Variants in THRB observed in about 807,000 individuals in gnomAD.
THRB encodes the protein thyroid hormone receptor beta.
In THRB, 12 loss-of-function variants were observed where a neutral mutation model predicts 47.8. That is an observed-to-expected ratio of 0.25 (90% CI 0.16 to 0.41). The LOEUF (loss-of-function observed/expected upper bound fraction) is 0.41, where lower values mean the gene tolerates loss of function less well. Ranked by LOEUF, THRB falls within the 10% of genes least tolerant of loss-of-function variation. THRB has a pLI of 1.00. For synonymous variants in THRB, 218 were observed against 212.2 expected (o/e 1.03, Z -0.24); for missense variants, 348 against 589.2 (o/e 0.59, Z 4.24).
chr3:24,185,354 G>A (rs1046856866), intron 5 of THRB, among the ~76,000 whole-genome samples: 4 of 152,172 alleles, frequency 2.6e-5, no homozygotes, highest in Admixed American at 2.6e-4. Context: ...AGAAAAGACT[G>A]AAATGTAATA....
chr3:24,214,766 CCCT>C (rs371023820), intron 4 of THRB, among the ~76,000 whole-genome samples: 14 of 152,304 alleles, frequency 9.2e-5, no homozygotes, highest in African/African-American at 3.4e-4. Context: ...TCTCTGAAGA[CCCT>C]CCTCATCTCA....
intron 5 of THRB, among the ~76,000 whole-genome samples, chr3:24,187,544 C>T (rs1559545428): frequency 6.6e-6 from 1 of 152,142 alleles, no homozygotes; most frequent in African/African-American, 2.4e-5. Flanking sequence ...TTTGGCCCTG[C>T]TGCCATTTTC....
At chr3:24,272,184 A>G (rs7640648) in intron 3 of THRB, among the ~76,000 whole-genome samples, 16,858 of 152,102 alleles carry the variant, frequency 0.11, 998 homozygotes, top group East Asian at 0.18. Context: ...TCTACAAATA[A>G]TAATTTTAAA....
chr3:24,133,695 A>AAGAGAGAGAGAGAGAGAG (rs10652016), intron 8 of THRB, among the ~76,000 whole-genome samples: 1 of 150,262 alleles, frequency 6.7e-6, no homozygotes, highest in South Asian at 2.1e-4. Context: ...TTGCTGCAGA[A>AAGAGAGAGAGAGAGAGAG]AGAGAGAGAG....
intron 1 of THRB, among the ~76,000 whole-genome samples, chr3:24,427,944 T>C (rs1185714816): frequency 1.3e-5 from 2 of 152,036 alleles, no homozygotes; most frequent in Non-Finnish European, 2.9e-5. Flanking sequence ...CCTTTGTTTC[T>C]TTTCTTTTTA....
chr3:24,489,727 A>G (rs1330576837), intron 1 of THRB, among the ~76,000 whole-genome samples: 1 of 152,214 alleles, frequency 6.6e-6, no homozygotes, highest in Non-Finnish European at 1.5e-5. Flanking sequence ...CAACATTAGC[A>G]TTGAGCATAG....
chr3:24,357,372 A>AC (rs2063755339), intron 1 of THRB, among the ~76,000 whole-genome samples: 1 of 147,306 alleles, frequency 6.8e-6, no homozygotes, highest in African/African-American at 2.5e-5. Context: ...AAAAAAAAAA[A>AC]AACAAAAAAC....
intron 1 of THRB, among the ~76,000 whole-genome samples, chr3:24,469,320 T>C (rs1040545793): frequency 1.3e-5 from 2 of 152,222 alleles, no homozygotes; most frequent in African/African-American, 2.4e-5. Flanking sequence ...TCATGAGTTA[T>C]TAATTAATTC....
chr3:24,439,236 G>T (rs1278159643), intron 1 of THRB, among the ~76,000 whole-genome samples: 1 of 152,088 alleles, frequency 6.6e-6, no homozygotes, highest in Non-Finnish European at 1.5e-5. Context: ...TCCAGAGGGT[G>T]GTGCAGATAA....
At chr3:24,368,994 G>C (rs2064706420) in intron 1 of THRB, among the ~76,000 whole-genome samples, 1 of 152,104 alleles carries the variant, frequency 6.6e-6, no homozygotes, top group Non-Finnish European at 1.5e-5. Context: ...TAAATATGTA[G>C]AAATTACTTT....
chr3:24,163,825 A>G (rs1460043824), intron 5 of THRB, among the ~76,000 whole-genome samples: 2 of 152,150 alleles, frequency 1.3e-5, no homozygotes, highest in African/African-American at 4.8e-5. Context: ...ATAGAATAAC[A>G]TTATATATAG....
intron 1 of THRB, among the ~76,000 whole-genome samples, chr3:24,337,982 G>A (rs1460971485): frequency 6.6e-6 from 1 of 152,178 alleles, no homozygotes; most frequent in Non-Finnish European, 1.5e-5. Flanking sequence ...AACAGACCAC[G>A]ACACCTGCCA....
intron 6 of THRB, among the ~76,000 whole-genome samples, chr3:24,147,711 T>C (rs1323920665): frequency 2.0e-5 from 3 of 152,226 alleles, no homozygotes; most frequent in Non-Finnish European, 2.9e-5. Context: ...ATAACAGCAG[T>C]GAGCACTTAT....
intron 10 of THRB, among the ~76,000 whole-genome samples, chr3:24,124,283 C>G (rs1177707317): frequency 6.6e-6 from 1 of 152,162 alleles, no homozygotes; most frequent in Non-Finnish European, 1.5e-5. Flanking sequence ...GCAATTCGTG[C>G]ATTTTTATCT....
intron 4 of THRB, among the ~76,000 whole-genome samples, chr3:24,194,706 C>T (rs2043766564): frequency 6.6e-6 from 1 of 152,134 alleles, no homozygotes; most frequent in African/African-American, 2.4e-5. Context: ...ATCGCATTAA[C>T]ATAACTACTT....
At chr3:24,195,949 C>G (rs2043906510) in intron 4 of THRB, among the ~76,000 whole-genome samples, 1 of 152,232 alleles carries the variant, frequency 6.6e-6, no homozygotes. Flanking sequence ...ACTGTTTTGT[C>G]TGTCCTCACT....
intron 3 of THRB, among the ~76,000 whole-genome samples, chr3:24,288,055 AC>A (rs1326069639): frequency 6.6e-6 from 1 of 152,228 alleles, no homozygotes; most frequent in Non-Finnish European, 1.5e-5. Context: ...ACATCATGAT[AC>A]CAGTAGCACC....
At chr3:24,356,402 T>G (rs1316712312) in intron 1 of THRB, among the ~76,000 whole-genome samples, 1 of 152,126 alleles carries the variant, frequency 6.6e-6, no homozygotes, top group East Asian at 1.9e-4. Context: ...TTGCAGGCTC[T>G]TCTCCCCTTT....
At chr3:24,317,220 T>C (rs2058178208) in intron 2 of THRB, among the ~76,000 whole-genome samples, 1 of 152,190 alleles carries the variant, frequency 6.6e-6, no homozygotes. Context: ...GGTTATTTAA[T>C]ATCTTGGTGC....
Sources: gnomAD v4.1 joint callset for allele counts (sites outside exome capture counted in the v4.1 genomes callset) on GRCh38, gnomAD v4.1.1 for gene constraint, MANE v1.5 for transcripts, NCBI Gene and HGNC (gene_info 2026-07-23, HGNC 2026-07-21) for gene names.